DPP10: variants seen among roughly 807,000 people sequenced by gnomAD.
DPP10 encodes dipeptidyl peptidase like 10, also known as inactive dipeptidyl peptidase 10.
In DPP10, 33 loss-of-function variants were observed where a neutral mutation model predicts 120.9. The observed-to-expected ratio is 0.27, with a 90% confidence interval of 0.21 to 0.37. The LOEUF (loss-of-function observed/expected upper bound fraction) is 0.37. DPP10 is among the 10% of genes least tolerant of loss of function. The pLI is 1.00. For missense variants in DPP10, 816 were observed against 942.8 expected, an observed-to-expected ratio of 0.87 and a Z score of 1.76; for synonymous variants, 337 against 326.1, an observed-to-expected ratio of 1.03 and a Z score of -0.36.
At chr2:115,723,661 G>A (rs1396628370) in intron 7 of DPP10, among the ~76,000 whole-genome samples, 1 of 150,540 alleles carries the variant, frequency 6.6e-6, no homozygotes, top group Admixed American at 6.6e-5. Context: ...CCAGGTTTAG[G>A]ATTGCTGGTG....
chr2:115,575,941 C>T (rs974677552), intron 5 of DPP10, among the ~76,000 whole-genome samples: 1 of 152,192 alleles, frequency 6.6e-6, no homozygotes, highest in African/African-American at 2.4e-5. Flanking sequence ...ACATAGACCT[C>T]AGCCCTACAA....
intron 1 of DPP10, among the ~76,000 whole-genome samples, chr2:114,748,909 G>C (rs1347710433): frequency 8.5e-6 from 1 of 117,872 alleles, no homozygotes; most frequent in East Asian, 2.4e-4. Flanking sequence ...AGTCATTTGG[G>C]TATATACCCA....
intron 1 of DPP10, among the ~76,000 whole-genome samples, chr2:114,875,399 C>T (rs1691073943): frequency 6.6e-6 from 1 of 152,076 alleles, no homozygotes; most frequent in African/African-American, 2.4e-5. Flanking sequence ...CTGCTAGATA[C>T]TTTTTTTCTT....
intron 3 of DPP10, among the ~76,000 whole-genome samples, chr2:115,427,491 T>C (rs2070590826): frequency 6.6e-6 from 1 of 152,206 alleles, no homozygotes. Flanking sequence ...TGGTGGCTTA[T>C]GCTCTCTGGA....
At chr2:114,556,807 G>A (rs994510866) in intron 1 of DPP10, among the ~76,000 whole-genome samples, 1 of 152,142 alleles carries the variant, frequency 6.6e-6, no homozygotes, top group African/African-American at 2.4e-5. Context: ...AAAACTGAGT[G>A]TAGCATAGTA....
At chr2:114,933,973 A>G (rs749873612) in intron 1 of DPP10, among the ~76,000 whole-genome samples, 1 of 152,188 alleles carries the variant, frequency 6.6e-6, no homozygotes, top group African/African-American at 2.4e-5. Flanking sequence ...CTTTCCTTCT[A>G]TTTTGAACAA....
chr2:114,461,593 T>C, intron 1 of DPP10: 1 of 985,394 alleles, frequency 1.0e-6, no homozygotes, highest in Non-Finnish European at 1.2e-6. Context: ...CATTAAACAC[T>C]TGATGAAAGA....
chr2:115,527,304 A>G (rs2078191431), intron 5 of DPP10, among the ~76,000 whole-genome samples: 1 of 152,128 alleles, frequency 6.6e-6, no homozygotes, highest in Non-Finnish European at 1.5e-5. Flanking sequence ...TGCCAGAACA[A>G]TCAGATATCC....
intron 2 of DPP10, among the ~76,000 whole-genome samples, chr2:115,324,672 A>G (rs531300871): frequency 1.2e-4 from 18 of 152,294 alleles, no homozygotes; most frequent in South Asian, 4.1e-4. Context: ...TTGTTTTTCT[A>G]TCATTTGTAT....
intron 5 of DPP10, among the ~76,000 whole-genome samples, chr2:115,551,738 A>G (rs751243538): frequency 7.9e-5 from 12 of 152,080 alleles, no homozygotes; most frequent in Non-Finnish European, 1.2e-4. Flanking sequence ...CTATTTGTAT[A>G]TATATTTTAT....
At position 114,812,714 on chromosome 2, in the gene DPP10, TTTTG is replaced by T. The variant is rs113141883; in HGVS notation, c.60+369894_60+369897del. On this transcript the variant is annotated intron_variant, in intron 1 of 25. Transcript: ENST00000410059. The stretch of plus-strand genomic sequence containing the variant: ...TACTCCGACTTTCACCTCCACAGTC[TTTTG>T]TTTGTTTGTTTGTTTGTCTGTCTTT... Among the ~76,000 whole-genome samples, 316 of 152,230 alleles carry T rather than the reference TTTTG, an allele frequency of 2.1e-3. 1 individual carries two copies. Among genetic ancestry groups the T allele is most frequent in the South Asian group, 0.014 (70 of 4,828 alleles).
chr2:114,457,677 C>A (rs994356548), intron 1 of DPP10, among the ~76,000 whole-genome samples: 5 of 152,108 alleles, frequency 3.3e-5, no homozygotes, highest in South Asian at 2.1e-4. Context: ...GATATTTATA[C>A]CCCTGGGATA....
intron 1 of DPP10, among the ~76,000 whole-genome samples, chr2:114,481,066 G>A (rs1680999521): frequency 1.3e-5 from 2 of 151,630 alleles, no homozygotes; most frequent in South Asian, 4.2e-4. Context: ...TTTACCATGA[G>A]ACAAATGGTT....
intron 1 of DPP10, among the ~76,000 whole-genome samples, chr2:114,687,081 A>G (rs1035262501): frequency 6.6e-6 from 1 of 152,012 alleles, no homozygotes; most frequent in African/African-American, 2.4e-5. Context: ...ATTCCCACGT[A>G]GGATAGGGTT....
intron 3 of DPP10, among the ~76,000 whole-genome samples, chr2:115,459,130 G>A (rs1005201966): frequency 3.9e-5 from 6 of 151,932 alleles, no homozygotes; most frequent in African/African-American, 1.5e-4. Flanking sequence ...TCAAAATTTG[G>A]GGTAAGTCAG....
chr2:115,690,368 C>T (rs1366269797), intron 7 of DPP10, among the ~76,000 whole-genome samples: 3 of 152,036 alleles, frequency 2.0e-5, no homozygotes, highest in Non-Finnish European at 2.9e-5. Flanking sequence ...TTATTACAAA[C>T]TCAAAAAGAT....
At chr2:115,108,915 T>C (rs2049077093) in intron 1 of DPP10, among the ~76,000 whole-genome samples, 1 of 152,132 alleles carries the variant, frequency 6.6e-6, no homozygotes, top group Non-Finnish European at 1.5e-5. Context: ...ACTATGACAA[T>C]GCCCCTGCTG....
intron 7 of DPP10, among the ~76,000 whole-genome samples, chr2:115,705,367 TGA>T (rs2092060462): frequency 6.6e-6 from 1 of 151,938 alleles, no homozygotes; most frequent in African/African-American, 2.4e-5. Context: ...AAGAAATGTA[TGA>T]TAAGCATACA....
rs191059667 is a variant in DPP10, at chr2:115,698,519, G to A, written c.576+8598G>A. Among the ~76,000 whole-genome samples, 42 of 152,258 alleles carry A rather than the reference G, an allele frequency of 2.8e-4. No homozygotes were observed. The East Asian group carries it at 5.6e-3, about 20-fold the overall frequency. ...AAGTTTGTACAAGATCATGTGTGAC[G>A]CTTTAATCCAACAGGACTGGTGGCT... On this transcript the variant is annotated intron_variant, in intron 7 of 25. Coordinates refer to ENST00000410059, the MANE Select transcript of DPP10 (RefSeq NM_020868.6).
Sources: gnomAD v4.1 joint callset for allele counts (sites outside exome capture counted in the v4.1 genomes callset) on GRCh38, gnomAD v4.1.1 for gene constraint, MANE v1.5 for transcripts, NCBI Gene and HGNC (gene_info 2026-07-23, HGNC 2026-07-21) for gene names.